ASTN2: variants seen among roughly 807,000 people sequenced by gnomAD.
The protein encoded by ASTN2 is astrotactin 2.
ASTN2 carries 54 observed loss-of-function variants against 139.8 expected under a neutral mutation model. That is an observed-to-expected ratio of 0.39 (90% CI 0.31 to 0.48). ASTN2 has a LOEUF of 0.48. Ranked by LOEUF, ASTN2 falls within the 20% of genes least tolerant of loss-of-function variation. The pLI is 0.95. For synonymous variants in ASTN2, 756 were observed against 719.5 expected (o/e 1.05, Z -0.81); for missense variants, 1,565 against 1,725.1 (o/e 0.91, Z 1.64).
chr9:116,814,174 G>T (rs10983359), intron 12 of ASTN2, among the ~76,000 whole-genome samples: 7 of 152,204 alleles, frequency 4.6e-5, no homozygotes, highest in African/African-American at 1.4e-4. Flanking sequence ...AAAGGAACAG[G>T]TTCCTTCCCA....
intron 20 of ASTN2, among the ~76,000 whole-genome samples, chr9:116,444,427 A>C (rs1847926704): frequency 6.6e-6 from 1 of 152,222 alleles, no homozygotes; most frequent in Admixed American, 6.5e-5. Context: ...TAAAAAATTA[A>C]GCAATGTGTC....
At chr9:117,159,033 T>A (rs1207924967) in intron 3 of ASTN2, among the ~76,000 whole-genome samples, 2 of 151,964 alleles carry the variant, frequency 1.3e-5, no homozygotes, top group Non-Finnish European at 2.9e-5. Flanking sequence ...GCTAATTGTC[T>A]CCACTGGTGT....
chr9:116,571,525 T>C (rs1298459566), intron 19 of ASTN2, among the ~76,000 whole-genome samples: 2 of 152,220 alleles, frequency 1.3e-5, no homozygotes, highest in Non-Finnish European at 2.9e-5. Context: ...ATTTGGTGTG[T>C]GCTGTGCTGT....
At chr9:116,804,516 A>C (rs553466501) in intron 13 of ASTN2, among the ~76,000 whole-genome samples, 1 of 152,246 alleles carries the variant, frequency 6.6e-6, no homozygotes, top group East Asian at 1.9e-4. Flanking sequence ...TGAGGATTAC[A>C]TAAGTTAATA....
chr9:116,986,648 C>A (rs1415035536), intron 7 of ASTN2, among the ~76,000 whole-genome samples: 1 of 152,190 alleles, frequency 6.6e-6, no homozygotes, highest in African/African-American at 2.4e-5. Context: ...ATCCTTCCAA[C>A]AAACCAAGGT....
At chr9:117,180,930 G>A in intron 3 of ASTN2, 1 of 1,595,638 alleles carries the variant, frequency 6.3e-7, no homozygotes, top group Admixed American at 1.7e-5. Context: ...GCAGCTTGGT[G>A]TGGATGGACA....
At chr9:116,535,701 T>G (rs1218634112) in intron 19 of ASTN2, among the ~76,000 whole-genome samples, 2 of 152,210 alleles carry the variant, frequency 1.3e-5, no homozygotes, top group African/African-American at 4.8e-5. Flanking sequence ...CTCTTCGGCT[T>G]GTAGAGTTTC....
chr9:117,019,388 G>A (rs1308019180), intron 6 of ASTN2, among the ~76,000 whole-genome samples: 1 of 151,994 alleles, frequency 6.6e-6, no homozygotes, highest in Admixed American at 6.6e-5. Flanking sequence ...CCAAAAATCA[G>A]CGGTTTCAAC....
chr9:116,493,280 C>T (rs1194191684), intron 19 of ASTN2, among the ~76,000 whole-genome samples: 1 of 152,174 alleles, frequency 6.6e-6, no homozygotes, highest in Non-Finnish European at 1.5e-5. Flanking sequence ...GTAGAACCCT[C>T]CTAGAACCCA....
At chr9:116,759,703 CTTTA>C (rs1438233956) in intron 13 of ASTN2, among the ~76,000 whole-genome samples, 1 of 152,124 alleles carries the variant, frequency 6.6e-6, no homozygotes, top group Non-Finnish European at 1.5e-5. Context: ...CCTTATCCTT[CTTTA>C]TTTTTCTTTA....
At chr9:116,977,798 C>T (rs572853314) in intron 7 of ASTN2, among the ~76,000 whole-genome samples, 6 of 148,726 alleles carry the variant, frequency 4.0e-5, no homozygotes, top group South Asian at 4.2e-4. Context: ...CTCACTGCAA[C>T]CTCCACCTCC....
intron 1 of ASTN2, among the ~76,000 whole-genome samples, chr9:117,334,642 T>C (rs988920466): frequency 6.6e-6 from 1 of 152,138 alleles, no homozygotes; most frequent in Non-Finnish European, 1.5e-5. Flanking sequence ...GGCTTCATAG[T>C]CCTCACTCCC....
chr9:117,099,554 A>T (rs1828923057), intron 4 of ASTN2, among the ~76,000 whole-genome samples: 1 of 152,264 alleles, frequency 6.6e-6, no homozygotes, highest in Non-Finnish European at 1.5e-5. Flanking sequence ...TGCATAGTGC[A>T]GTATCTCTTC....
At chr9:117,024,261 G>A (rs1286883291) in intron 6 of ASTN2, among the ~76,000 whole-genome samples, 1 of 152,090 alleles carries the variant, frequency 6.6e-6, no homozygotes, top group East Asian at 1.9e-4. Flanking sequence ...TGCAGCTTAT[G>A]TTTACTGGGC....
intron 16 of ASTN2, among the ~76,000 whole-genome samples, chr9:116,713,311 A>C (rs1216850340): frequency 6.6e-6 from 1 of 152,140 alleles, no homozygotes; most frequent in East Asian, 1.9e-4. Context: ...ACAGCAAGGA[A>C]GACCCTAAAG....
chr9:116,820,265 A>G (rs1831449380), intron 12 of ASTN2, among the ~76,000 whole-genome samples: 1 of 152,144 alleles, frequency 6.6e-6, no homozygotes, highest in Admixed American at 6.5e-5. Context: ...AACCTTCAAG[A>G]CGTCTGCTTT....
chr9:117,096,129 G>T lies in ASTN2; in HGVS notation c.1191C>A (p.Ala397=), dbSNP rs1020479599. The T allele has an allele frequency of 6.2e-7, 1 of 1,613,852 alleles. No individual in the cohort carries two copies. The highest frequency in any genetic ancestry group is 1.3e-5 in the African/African-American group (1 of 74,886). ...CTGCCTCTGAGCCCGACGTCCCCTT[G>T]GCTCTCCCAAAGCTGATTCCTCCTG... is the stretch of plus-strand genomic sequence containing the variant. The part of the protein sequence containing the change: ...KSRGGISFGR[A]KGTSGSEADD... Residue 397 remains alanine (A), a synonymous_variant, in exon 5 of 23, where the codon GCC becomes GCA. Transcript: ENST00000313400.
chr9:117,192,928 T>A (rs184643748), intron 3 of ASTN2, among the ~76,000 whole-genome samples: 91 of 152,358 alleles, frequency 6.0e-4, no homozygotes, highest in Non-Finnish European at 1.1e-3. Context: ...ATTCTATAAA[T>A]GTTAAAGTGC....
At chr9:116,524,108 A>G (rs1850991531) in intron 19 of ASTN2, among the ~76,000 whole-genome samples, 1 of 152,182 alleles carries the variant, frequency 6.6e-6, no homozygotes, top group Non-Finnish European at 1.5e-5. Flanking sequence ...CATTTCATTG[A>G]CAGAATATTT....
Sources: allele counts gnomAD v4.1 joint callset (sites outside exome capture counted in the v4.1 genomes callset), GRCh38; gene constraint gnomAD v4.1.1; transcripts MANE v1.5; gene names NCBI Gene and HGNC (gene_info 2026-07-23, HGNC 2026-07-21).